The following SH3GL1 variants were observed in gnomAD, a reference collection of about 807,000 sequenced individuals.
SH3GL1 encodes the protein SH3 domain containing GRB2 like 1, endophilin A2, also known as endophilin-A2.
SH3GL1 carries 21 observed loss-of-function variants against 48.8 expected under a neutral mutation model. The observed-to-expected ratio is 0.43, with a 90% confidence interval of 0.30 to 0.62. SH3GL1 has a LOEUF of 0.62. Among genes scored for constraint, SH3GL1 ranks in the 20% least tolerant of loss-of-function variants. The pLI is 0.11. For missense variants in SH3GL1, 454 were observed against 503.0 expected (o/e 0.90, Z 0.93); for synonymous variants, 282 against 217.5 (o/e 1.30, Z -2.61).
In SH3GL1 at chr19:4,367,066, C is replaced by T. The variant is rs1972798522; in HGVS notation, c.46-72G>A. 9 of 1,381,708 alleles carry T rather than the reference C, an allele frequency of 6.5e-6. No individual in the cohort carries two copies. In the East Asian group the frequency reaches 6.8e-5, roughly 11 times the overall value. The allele number at this position is 1,381,708 out of a possible 1,614,324, so 85.6% of individuals were successfully genotyped here. A position where few individuals can be genotyped will look rare whatever the true frequency, so the allele number is the denominator to read the frequency against. ...AAGAAGAGGACAGGAGGCCCTGAGC[C>T]GCCTTCCAGCCACATCGCATCCACA... On this transcript the variant is annotated intron_variant, in intron 1 of 9. Transcript: ENST00000269886. The surrounding 1 kb of genome is among the most constrained non-coding windows in gnomAD (Gnocchi z 4.2).
At position 4,376,785 on chromosome 19, in the gene SH3GL1, C is replaced by T. The variant is rs1392451160; in HGVS notation, c.46-9791G>A. Among the ~76,000 whole-genome samples, 1 of 152,204 alleles carries T rather than the reference C, an allele frequency of 6.6e-6. No homozygotes were observed. Among genetic ancestry groups the T allele is most frequent in the Admixed American group, 6.5e-5 (1 of 15,284 alleles). ...AAGGCTGCCCCACCCTCCTGCTATC[C>T]TCACGGGGCCTCGCATTCCTCTTGC... On this transcript the variant is annotated intron_variant, in intron 1 of 9. Transcript: ENST00000269886. The surrounding 1 kb of genome is among the most constrained non-coding windows in gnomAD (Gnocchi z 4.3).
At position 4,366,590 on chromosome 19, in the gene SH3GL1, C is replaced by CATATAAG; in HGVS notation, c.115-24_115-18dup. On this transcript the variant is annotated splice_polypyrimidine_tract_variant and intron_variant, in intron 2 of 9. Transcript: ENST00000269886. ...ATCCACCTTCTGTGAAGAGAAGCAG[C>CATATAAG]ATATAAGACTCCACAGCCAGTGGGG... The CATATAAG allele has an allele frequency of 6.2e-7, 1 of 1,608,760 alleles. No homozygotes were observed. Among genetic ancestry groups the CATATAAG allele is most frequent in the East Asian group, 2.2e-5 (1 of 44,830 alleles).
intron 1 of SH3GL1, among the ~76,000 whole-genome samples, chr19:4,373,196 C>T (rs1306162442): frequency 2.0e-5 from 3 of 152,150 alleles, no homozygotes; most frequent in Non-Finnish European, 1.5e-5. Flanking sequence ...CCTCATGGCC[C>T]GGCGGCGAGG....
chr19:4,365,629 G>C lies in SH3GL1; in HGVS notation c.188-4C>G. 1.2e-6 allele frequency: 2 copies of C among 1,613,826 alleles called. No individual in the cohort carries two copies. Among genetic ancestry groups the C allele is most frequent in the South Asian group, 1.1e-5 (1 of 91,084 alleles). The stretch of plus-strand genomic sequence containing the variant: ...ATGGTCAGCTTAGCCCGCGAGGCTG[G>C]GATAGGATGGCCAGGTGGGTGTGGG... On this transcript the variant is annotated splice_region_variant and splice_polypyrimidine_tract_variant and intron_variant, in intron 3 of 9. Transcript: ENST00000269886.
intron 1 of SH3GL1, among the ~76,000 whole-genome samples, chr19:4,370,244 A>C (rs1972870265): frequency 6.6e-6 from 1 of 152,174 alleles, no homozygotes; most frequent in Non-Finnish European, 1.5e-5. Flanking sequence ...GGGAGGACTG[A>C]GGCCATGGTC....
intron 1 of SH3GL1, among the ~76,000 whole-genome samples, chr19:4,369,071 CAAAAG>C (rs1972842514): frequency 6.6e-6 from 1 of 151,802 alleles, no homozygotes; most frequent in Non-Finnish European, 1.5e-5. Context: ...GACTCCATCT[CAAAAG>C]AAAGAAGAAA....
chr19:4,366,761 T>C (rs1879109417), intron 2 of SH3GL1, among the ~76,000 whole-genome samples, 165 bp downstream of exon 2: 1 of 151,278 alleles, frequency 6.6e-6, no homozygotes, highest in African/African-American at 2.4e-5. Context: ...CTGGTGCCCG[T>C]CAAGTCCAGC....
intron 8 of SH3GL1, 56 bp downstream of exon 8, chr19:4,362,556 T>C (rs2144855825): frequency 6.2e-7 from 1 of 1,609,942 alleles, no homozygotes; most frequent in African/African-American, 1.3e-5. Context: ...GGCCAGCCCT[T>C]GGCCACTCCC....
intron 3 of SH3GL1, 52 bp downstream of exon 3, chr19:4,366,449 C>G: frequency 6.9e-7 from 1 of 1,448,486 alleles, no homozygotes; most frequent in East Asian, 2.3e-5. Context: ...TTCCCTCTGA[C>G]ACAGAGGCCA....
rs1393280615 is a variant in SH3GL1, at chr19:4,363,819, C to T, written c.525G>A (p.Gln175=). Residue 175 remains glutamine, a synonymous_variant, in exon 6 of 10, where the codon CAG becomes CAA. Transcript: ENST00000269886. ...RLDFDYKKKR[Q]GKIPDEELRQ... ...GTAGCTCCTCATCGGGGATCTTGCC[C>T]TGCCGCTTCTTCTTGTAGTCAAAGT... is the stretch of plus-strand genomic sequence containing the variant. 3 of 1,613,608 alleles carry T rather than the reference C, an allele frequency of 1.9e-6. No homozygotes were observed. Among genetic ancestry groups the T allele is most frequent in the Non-Finnish European group, 2.5e-6 (3 of 1,180,040 alleles).
At chr19:4,383,532 C>T (rs1421968163) in intron 1 of SH3GL1, among the ~76,000 whole-genome samples, 1 of 152,156 alleles carries the variant, frequency 6.6e-6, no homozygotes, top group Non-Finnish European at 1.5e-5. Flanking sequence ...TGCACCTGTC[C>T]TTTATGCGTA....
intron 4 of SH3GL1, among the ~76,000 whole-genome samples, chr19:4,364,898 GTATATATATA>G (rs1555739999): frequency 2.1e-5 from 2 of 96,012 alleles, no homozygotes; most frequent in African/African-American, 7.5e-5. Flanking sequence ...GTGTGTGTGT[GTATATATATA>G]TATATATATT....
intron 1 of SH3GL1, among the ~76,000 whole-genome samples, chr19:4,399,117 C>G (rs542776586): frequency 3.3e-5 from 5 of 152,138 alleles, no homozygotes; most frequent in African/African-American, 1.2e-4. Flanking sequence ...GCCAGGAGTT[C>G]GAGACCACCC....
intron 1 of SH3GL1, among the ~76,000 whole-genome samples, chr19:4,382,763 C>G (rs1340602349): frequency 6.6e-6 from 1 of 152,136 alleles, no homozygotes; most frequent in East Asian, 1.9e-4. Context: ...CATCACTTCT[C>G]GTTATTCGTG....
intron 1 of SH3GL1, among the ~76,000 whole-genome samples, chr19:4,388,755 G>T (rs1026050064): frequency 6.6e-6 from 1 of 152,218 alleles, no homozygotes; most frequent in Non-Finnish European, 1.5e-5. Context: ...CGATCAAGGG[G>T]GGAAGCAGGC....
rs1373147766 is a variant in SH3GL1 at position 4,389,528 on chromosome 19, G to A, written c.45+10796C>T. On this transcript the variant is annotated intron_variant, in intron 1 of 9. Coordinates refer to ENST00000269886, the MANE Select transcript of SH3GL1 (RefSeq NM_003025.4). This position sits in a 1 kb window ranked among gnomAD's most constrained non-coding sequence, Gnocchi z 4.5. ...TGAGTTCCCATGCAGGGGAAGAGTA[G>A]CATTTAAACCTGGGACCAAGGCAGG... Among the ~76,000 whole-genome samples, 2 of 152,164 alleles carry A rather than the reference G, an allele frequency of 1.3e-5. No individual in the cohort carries two copies. Among genetic ancestry groups the A allele is most frequent in the East Asian group, 1.9e-4 (1 of 5,196 alleles).
At chr19:4,386,863 G>A (rs748211991) in intron 1 of SH3GL1, among the ~76,000 whole-genome samples, 70 of 152,334 alleles carry the variant, frequency 4.6e-4, no homozygotes, top group Non-Finnish European at 2.5e-4. Context: ...CCACAGCGTG[G>A]CAGCTAACAC....
At position 4,360,491 on chromosome 19, in the gene SH3GL1, GGTGCA is replaced by G. The variant is rs1433700099; in HGVS notation, c.*1104_*1108del. ...CCCCTCATGTACTTCTGACGAGGGG[GGTGCA>G]GGGCAGGGCAGAGCAGAGCCTGGGG... On this transcript the variant is annotated 3_prime_UTR_variant, in exon 10 of 10. Coordinates refer to ENST00000269886, the MANE Select transcript of SH3GL1 (RefSeq NM_003025.4). 4.3e-6 allele frequency: 1 copy of G among 234,172 alleles called. No homozygotes were observed. The highest frequency in any genetic ancestry group is 5.6e-5 in the Admixed American group (1 of 17,878). 14.5% of individuals were successfully genotyped at this position (234,172 alleles called of 1,614,324 possible). A position where few individuals can be genotyped will look rare whatever the true frequency, so the allele number is the denominator to read the frequency against.
intron 1 of SH3GL1, among the ~76,000 whole-genome samples, chr19:4,388,263 C>CAGCT (rs1249756017): frequency 1.3e-5 from 2 of 152,178 alleles, no homozygotes; most frequent in Non-Finnish European, 2.9e-5. Context: ...GAGGCCGAAT[C>CAGCT]AGCTAATGGG....
Sources: gnomAD v4.1 joint callset for allele counts (sites outside exome capture counted in the v4.1 genomes callset) on GRCh38, gnomAD v4.1.1 for gene constraint, Gnocchi (gnomAD v3.1) non-coding constraint, MANE v1.5 for transcripts, NCBI Gene and HGNC (gene_info 2026-07-23, HGNC 2026-07-21) for gene names.